MAGOH: variants seen among roughly 807,000 people sequenced by gnomAD.
MAGOH encodes the protein mago homolog, exon junction complex subunit.
A neutral mutation model predicts 20.9 loss-of-function variants in MAGOH; 3 were observed. That is an observed-to-expected ratio of 0.14 (90% CI 0.07 to 0.37). MAGOH has a LOEUF of 0.37. Among genes scored for constraint, MAGOH ranks in the 10% least tolerant of loss-of-function variants. The pLI is 1.00. For missense variants in MAGOH, 66 were observed against 178.1 expected (o/e 0.37, Z 3.58); for synonymous variants, 51 against 61.0 (o/e 0.84, Z 0.76).
intron 1 of MAGOH, among the ~76,000 whole-genome samples, chr1:53,237,245 G>A (rs1010420528): frequency 3.9e-4 from 59 of 150,362 alleles, no homozygotes; most frequent in African/African-American, 1.3e-3. Flanking sequence ...CACCGCGCCC[G>A]GCCCCCAACA....
intron 2 of MAGOH, chr1:53,233,897 C>T (rs1052267979): frequency 2.9e-6 from 1 of 343,942 alleles, no homozygotes; most frequent in African/African-American, 2.1e-5. Flanking sequence ...TTCACATGGC[C>T]CTTCTGCCTG....
intron 2 of MAGOH, among the ~76,000 whole-genome samples, 174 bp downstream of exon 2, chr1:53,235,403 T>TA (rs1427158595): frequency 6.6e-6 from 1 of 151,976 alleles, no homozygotes; most frequent in Non-Finnish European, 1.5e-5. Flanking sequence ...CAATGTAAAA[T>TA]AAAAAAATCC....
chr1:53,235,552 C>A, intron 2 of MAGOH, 25 bp downstream of exon 2: 1 of 1,602,010 alleles, frequency 6.2e-7, no homozygotes, highest in Non-Finnish European at 8.5e-7. Flanking sequence ...AAATGAAGGA[C>A]TCTCAGAAGG....
chr1:53,233,473 G>A (rs902651525), intron 3 of MAGOH, 69 bp downstream of exon 3: 4 of 1,032,202 alleles, frequency 3.9e-6, no homozygotes, highest in Non-Finnish European at 6.0e-6. Flanking sequence ...AAAGCTTTAA[G>A]TGGAGGAGGG....
At chr1:53,237,018 T>C (rs557546151) in intron 1 of MAGOH, among the ~76,000 whole-genome samples, 9 of 148,260 alleles carry the variant, frequency 6.1e-5, no homozygotes, top group Non-Finnish European at 1.2e-4. Context: ...TGGCACTATC[T>C]CAGCTTGCTG....
Position 53,229,268 on chromosome 1 carries a change from G to A in MAGOH, c.259-314C>T, listed in dbSNP as rs181421702. Among the ~76,000 whole-genome samples, 904 of 150,748 alleles carry A rather than the reference G, an allele frequency of 6.0e-3. 8 individuals carry two copies. Among genetic ancestry groups the A allele is most frequent in the African/African-American group, 0.021 (860 of 40,984 alleles). On this transcript the variant is annotated intron_variant, in intron 3 of 4. Coordinates refer to ENST00000371470, the MANE Select transcript of MAGOH (RefSeq NM_002370.4). ...GGCTGGAGTGCACTGGCATGATCTC[G>A]GCTCACTGCAACCTCCGCCTCCCAG...
intron 1 of MAGOH, among the ~76,000 whole-genome samples, chr1:53,237,341 G>A: frequency 6.6e-6 from 1 of 151,558 alleles, no homozygotes; most frequent in African/African-American, 2.4e-5. Context: ...TAACCAGAAT[G>A]CTTTTTCAAG....
Position 53,227,332 on chromosome 1 carries a change from G to C in MAGOH, c.342-188C>G, listed in dbSNP as rs1024259154. Among the ~76,000 whole-genome samples the C allele has an allele frequency of 1.4e-4, 22 of 152,048 alleles. 1 individual carries two copies. The highest frequency in any genetic ancestry group is 5.1e-4 in the African/African-American group (21 of 41,374). ...AAAATAACAATTATTAATCTCAACT[G>C]TATTTTTTATGCTTCTTAAAAAGTA... On this transcript the variant is annotated intron_variant, in intron 4 of 4. Coordinates refer to ENST00000371470, the MANE Select transcript of MAGOH (RefSeq NM_002370.4).
At chr1:53,230,095 G>A (rs1036349270) in intron 3 of MAGOH, among the ~76,000 whole-genome samples, 2 of 152,216 alleles carry the variant, frequency 1.3e-5, no homozygotes, top group African/African-American at 4.8e-5. Flanking sequence ...CCTACTGGGT[G>A]CTGGCTATTG....
Position 53,227,014 on chromosome 1 carries a change from CCCA to C in MAGOH, c.*28_*30del. The C allele has an allele frequency of 1.0e-6, 1 of 974,022 alleles. No individual in the cohort carries two copies. Among genetic ancestry groups the C allele is most frequent in the Non-Finnish European group, 1.5e-6 (1 of 649,688 alleles). 60.3% of individuals were successfully genotyped at this position (974,022 alleles called of 1,614,324 possible). Reference sequence around the variant, plus strand: ...ATATACACAAAATTTTCTACTCCCACCCACCCCCCATGTCCACACCAATATTCA... The same window carrying C: ...ATATACACAAAATTTTCTACTCCCACCCCCCCATGTCCACACCAATATTCA... On this transcript the variant is annotated 3_prime_UTR_variant, in exon 5 of 5. Coordinates refer to ENST00000371470, the MANE Select transcript of MAGOH (RefSeq NM_002370.4).
chr1:53,234,650 AG>A (rs1415904032), intron 2 of MAGOH, among the ~76,000 whole-genome samples: 1 of 152,178 alleles, frequency 6.6e-6, no homozygotes, highest in Non-Finnish European at 1.5e-5. Context: ...CTGGGATTAC[AG>A]GTGTGAGTCA....
At chr1:53,237,978 T>C (rs1294303878) in intron 1 of MAGOH, among the ~76,000 whole-genome samples, 1 of 152,204 alleles carries the variant, frequency 6.6e-6, no homozygotes, top group Non-Finnish European at 1.5e-5. Context: ...ATGGCCAACC[T>C]ATCTAAAAGC....
intron 1 of MAGOH, among the ~76,000 whole-genome samples, 193 bp downstream of exon 1, chr1:53,238,168 G>T (rs913243467): frequency 2.6e-5 from 4 of 152,210 alleles, no homozygotes; most frequent in African/African-American, 9.7e-5. Flanking sequence ...CACAGTGGGC[G>T]TTCAGTCAAC....
At chr1:53,235,738 C>A in intron 1 of MAGOH, 103 bp from the exon 2 acceptor site, 1 of 799,410 alleles carries the variant, frequency 1.3e-6, no homozygotes, top group Non-Finnish European at 2.2e-6. Context: ...ATCTAACTTG[C>A]TAAAAGTGTC....
Position 53,238,375 on chromosome 1 carries a change from T to G in MAGOH, c.74A>C (p.Glu25Ala). 6.2e-7 allele frequency: 1 copy of G among 1,614,040 alleles called. No individual in the cohort carries two copies. The highest frequency in any genetic ancestry group is 8.5e-7 in the Non-Finnish European group (1 of 1,179,966). Residue 25 changes from glutamate (E) to alanine (A), a missense_variant, in exon 1 of 5, where the codon GAG becomes GCG. Glu to Ala is a moderately radical substitution (Grantham distance 107). Transcript: ENST00000371470. The stretch of plus-strand genomic sequence containing the variant: ...GCTGCTTTTACCGTCCGGTCGAAAC[T>G]CAAACTCCAGGAACTCGTGGCCGAA... Reference protein sequence around the residue: ...GKFGHEFLEFEFRPDGKLRYA... With the variant: ...GKFGHEFLEFAFRPDGKLRYA...
At chr1:53,228,011 AGTTGCCAAAT>A (rs1645568687) in intron 4 of MAGOH, among the ~76,000 whole-genome samples, 1 of 152,234 alleles carries the variant, frequency 6.6e-6, no homozygotes, top group Non-Finnish European at 1.5e-5. Context: ...GAGCCAAAGA[AGTTGCCAAAT>A]TCTAAGGATT....
intron 2 of MAGOH, among the ~76,000 whole-genome samples, chr1:53,234,872 C>G (rs551730037): frequency 1.1e-4 from 17 of 152,056 alleles, no homozygotes; most frequent in African/African-American, 3.4e-4. Context: ...TTTGATGAAG[C>G]CTTAATGATG....
In MAGOH at chr1:53,238,374, C is replaced by T. The variant is rs768856189; in HGVS notation, c.75G>A (p.Glu25=). ...GGCTGCTTTTACCGTCCGGTCGAAA[C>T]TCAAACTCCAGGAACTCGTGGCCGA... ...GKFGHEFLEF[E]FRPDGKLRYA... is the part of the protein sequence containing the mutation. The change falls in exon 1 of 5, where the codon GAG becomes GAA. Residue 25 remains glutamate (E), a synonymous_variant. Coordinates refer to ENST00000371470, the MANE Select transcript of MAGOH (RefSeq NM_002370.4). 4 of 1,614,184 alleles carry T rather than the reference C, an allele frequency of 2.5e-6. No homozygotes were observed. The highest frequency in any genetic ancestry group is 1.7e-5 in the Admixed American group (1 of 60,036).
At chr1:53,236,542 T>C (rs1645611203) in intron 1 of MAGOH, among the ~76,000 whole-genome samples, 1 of 152,234 alleles carries the variant, frequency 6.6e-6, no homozygotes, top group African/African-American at 2.4e-5. Context: ...GTTTTCAGCT[T>C]CTTTGCATGC....
Sources: gnomAD v4.1 joint callset for allele counts (sites outside exome capture counted in the v4.1 genomes callset) on GRCh38, gnomAD v4.1.1 for gene constraint, MANE v1.5 for transcripts, NCBI Gene and HGNC (gene_info 2026-07-23, HGNC 2026-07-21) for gene names.